Variants in NKAIN3 observed in about 807,000 individuals in gnomAD.
The protein encoded by NKAIN3 is sodium/potassium transporting ATPase interacting 3, also known as sodium/potassium-transporting ATPase subunit beta-1-interacting protein 3.
NKAIN3 carries 25 observed loss-of-function variants against 30.2 expected under a neutral mutation model. The ratio of observed to expected loss-of-function variants is 0.83; its 90% confidence interval spans 0.60 to 1.16. NKAIN3 has a LOEUF of 1.16. NKAIN3 is among the 50% of genes most tolerant of loss of function. The pLI, the probability that NKAIN3 is intolerant of heterozygous loss-of-function variation, is 0.00. For synonymous variants in NKAIN3, 91 were observed against 89.6 expected (o/e 1.02, Z -0.09); for missense variants, 225 against 254.1 (o/e 0.89, Z 0.78).
chr8:62,947,654 A>G (rs911057674), intron 5 of NKAIN3, among the ~76,000 whole-genome samples: 4 of 152,306 alleles, frequency 2.6e-5, no homozygotes, highest in African/African-American at 9.6e-5. Context: ...TTTTCAGGCC[A>G]GATCATAGAA....
At chr8:62,676,090 T>C (rs1307731006) in intron 3 of NKAIN3, among the ~76,000 whole-genome samples, 1 of 152,188 alleles carries the variant, frequency 6.6e-6, no homozygotes, top group Non-Finnish European at 1.5e-5. Flanking sequence ...GGATATTTCA[T>C]TTAATGTTCA....
intron 5 of NKAIN3, among the ~76,000 whole-genome samples, chr8:62,946,664 C>A (rs1174907843): frequency 6.6e-6 from 1 of 152,068 alleles, no homozygotes; most frequent in Non-Finnish European, 1.5e-5. Flanking sequence ...TGTAATAGCC[C>A]CCATATTTGA....
chr8:62,523,341 A>G (rs184889910), intron 1 of NKAIN3, among the ~76,000 whole-genome samples: 3 of 152,134 alleles, frequency 2.0e-5, no homozygotes, highest in African/African-American at 7.2e-5. Context: ...TTCTCAGAAC[A>G]TATCTCATTG....
chr8:62,346,411 G>T (rs1816008519), intron 1 of NKAIN3, among the ~76,000 whole-genome samples: 1 of 152,074 alleles, frequency 6.6e-6, no homozygotes, highest in Non-Finnish European at 1.5e-5. Context: ...ATTGTGAACT[G>T]TACCATATTA....
intron 1 of NKAIN3, among the ~76,000 whole-genome samples, chr8:62,364,452 A>G (rs373754080): frequency 3.5e-4 from 54 of 152,244 alleles, no homozygotes; most frequent in African/African-American, 1.1e-3. Context: ...CCCTGCACCT[A>G]GCCTCCAACA....
At chr8:62,269,286 C>T (rs576445178) in intron 1 of NKAIN3, among the ~76,000 whole-genome samples, 16 of 152,242 alleles carry the variant, frequency 1.1e-4, no homozygotes, top group African/African-American at 3.9e-4. Flanking sequence ...CATTTTTAAC[C>T]CCAGAGAGTG....
At chr8:62,257,291 C>T (rs1023468884) in intron 1 of NKAIN3, among the ~76,000 whole-genome samples, 1 of 152,142 alleles carries the variant, frequency 6.6e-6, no homozygotes, top group Non-Finnish European at 1.5e-5. Context: ...TTAAGCCTCC[C>T]TGACATATAA....
At position 62,966,226 on chromosome 8, in the gene NKAIN3, C is replaced by T; in HGVS notation, c.*819C>T. ...GAAATCACAAACATAGACCTGCAGT[C>T]AGGAACTTTTCTCTTAGGATATTCA... On this transcript the variant is annotated 3_prime_UTR_variant, in exon 7 of 7. Transcript: ENST00000623646. 2.0e-6 allele frequency: 2 copies of T among 985,034 alleles called. No homozygotes were observed. The highest frequency in any genetic ancestry group is 2.4e-6 in the Non-Finnish European group (2 of 829,676). The allele number at this position is 985,034 out of a possible 1,614,324, so 61.0% of individuals were successfully genotyped here.
chr8:62,573,684 A>G (rs1452354394), intron 1 of NKAIN3, among the ~76,000 whole-genome samples: 1 of 151,710 alleles, frequency 6.6e-6, no homozygotes, highest in African/African-American at 2.4e-5. Context: ...TCTTTTTTTA[A>G]GTGTCTAAGA....
At chr8:62,818,501 T>C (rs965209822) in intron 4 of NKAIN3, among the ~76,000 whole-genome samples, 1 of 152,164 alleles carries the variant, frequency 6.6e-6, no homozygotes, top group East Asian at 1.9e-4. Flanking sequence ...CTAGTAATCA[T>C]ATTTCTATGC....
intron 1 of NKAIN3, among the ~76,000 whole-genome samples, chr8:62,476,031 A>C (rs1806508108): frequency 6.6e-6 from 1 of 152,222 alleles, no homozygotes; most frequent in Non-Finnish European, 1.5e-5. Flanking sequence ...TTGAAAAAAT[A>C]CATGGCACAT....
At chr8:62,358,756 A>C (rs964948099) in intron 1 of NKAIN3, among the ~76,000 whole-genome samples, 5 of 152,322 alleles carry the variant, frequency 3.3e-5, no homozygotes, top group Non-Finnish European at 7.3e-5. Context: ...ATATAAAATG[A>C]TAATCTAGGT....
chr8:62,326,418 G>T (rs571129852), intron 1 of NKAIN3, among the ~76,000 whole-genome samples: 6 of 151,730 alleles, frequency 4.0e-5, no homozygotes, highest in Non-Finnish European at 8.8e-5. Flanking sequence ...AAGTTTTTCC[G>T]ATGTTATCTT....
At chr8:62,594,607 A>C (rs1810764945) in intron 3 of NKAIN3, among the ~76,000 whole-genome samples, 1 of 152,092 alleles carries the variant, frequency 6.6e-6, no homozygotes, top group Non-Finnish European at 1.5e-5. Flanking sequence ...TGCAGATGAG[A>C]AATGTCACTC....
intron 3 of NKAIN3, among the ~76,000 whole-genome samples, chr8:62,690,172 C>T (rs945920993): frequency 3.9e-5 from 6 of 152,118 alleles, no homozygotes; most frequent in African/African-American, 1.4e-4. Flanking sequence ...GCACCAGTCC[C>T]GGAGTTTTTC....
chr8:62,692,146 C>T (rs779070728), intron 3 of NKAIN3, among the ~76,000 whole-genome samples: 3 of 152,116 alleles, frequency 2.0e-5, no homozygotes, highest in Non-Finnish European at 4.4e-5. Flanking sequence ...CTTGAGCTGG[C>T]GGACTTCACA....
At chr8:62,287,809 C>T (rs1563919815) in intron 1 of NKAIN3, among the ~76,000 whole-genome samples, 1 of 152,116 alleles carries the variant, frequency 6.6e-6, no homozygotes, top group Non-Finnish European at 1.5e-5. Context: ...CCTGGCTATT[C>T]TTTGTGTCCT....
intron 1 of NKAIN3, among the ~76,000 whole-genome samples, chr8:62,545,261 A>G (rs1201038603): frequency 1.3e-5 from 2 of 152,138 alleles, no homozygotes; most frequent in South Asian, 4.1e-4. Context: ...CTATTCCACA[A>G]CTTGCCTTTT....
intron 1 of NKAIN3, among the ~76,000 whole-genome samples, chr8:62,259,172 G>A (rs1371455610): frequency 6.6e-6 from 1 of 152,106 alleles, no homozygotes; most frequent in Admixed American, 6.6e-5. Flanking sequence ...TGATTAATGT[G>A]GAAGTTAAGA....
Sources: allele counts gnomAD v4.1 joint callset (sites outside exome capture counted in the v4.1 genomes callset), GRCh38; gene constraint gnomAD v4.1.1; transcripts MANE v1.5; gene names NCBI Gene and HGNC (gene_info 2026-07-23, HGNC 2026-07-21).